TRIP12: variants seen among roughly 807,000 people sequenced by gnomAD.
TRIP12 encodes the protein E3 ubiquitin-protein ligase TRIP12.
In TRIP12, 25 loss-of-function variants were observed where a neutral mutation model predicts 244.2. The observed-to-expected ratio is 0.10, with a 90% CI of 0.07 to 0.14. The LOEUF (loss-of-function observed/expected upper bound fraction) is 0.14, where lower values mean the gene tolerates loss of function less well. Ranked by LOEUF, TRIP12 falls within the 10% of genes least tolerant of loss-of-function variation. The pLI is 1.00. For missense variants in TRIP12, 1,677 were observed against 2,486.4 expected, an observed-to-expected ratio of 0.67 and a Z score of 6.92; for synonymous variants, 905 against 873.1, an observed-to-expected ratio of 1.04 and a Z score of -0.64.
intron 18 of TRIP12, among the ~76,000 whole-genome samples, chr2:229,804,686 G>GT (rs948222576): frequency 3.9e-5 from 6 of 152,148 alleles, no homozygotes; most frequent in Non-Finnish European, 7.3e-5. Context: ...CTGATAAGCA[G>GT]TAAGTTATAT....
At chr2:229,846,349 T>C (rs2154318694) in intron 4 of TRIP12, among the ~76,000 whole-genome samples, 1 of 152,310 alleles carries the variant, frequency 6.6e-6, no homozygotes, top group African/African-American at 2.4e-5. Context: ...AGTCAACATC[T>C]ATCAACACTG....
At chr2:229,817,459 T>C (rs1415779693) in intron 9 of TRIP12, among the ~76,000 whole-genome samples, 3 of 152,214 alleles carry the variant, frequency 2.0e-5, no homozygotes, top group African/African-American at 7.2e-5. Flanking sequence ...ATAATGGCAA[T>C]TTTTCTTCCT....
intron 39 of TRIP12, 110 bp from the exon 40 acceptor site, chr2:229,769,435 CCTT>C (rs2033293150): frequency 7.0e-6 from 5 of 717,468 alleles, no homozygotes; most frequent in Non-Finnish European, 1.0e-5. Flanking sequence ...AGTACTAAAA[CCTT>C]CTGCTTGGGA....
At position 229,903,826 on chromosome 2, in the gene TRIP12, G is replaced by A. The variant is rs1193220317; in HGVS notation, c.-50+18054C>T. ...AGCTCAGGAGTTCAAGACCAGCCTG[G>A]GCAACATGGTGAAACCCCATGTTGT... On this transcript the variant is annotated intron_variant, in intron 1 of 41. Transcript: ENST00000675903. 2.0e-5 allele frequency among the ~76,000 whole-genome samples: 3 copies of A among 150,324 alleles called. No homozygotes were observed. The East Asian group carries it at 5.9e-4, about 30-fold the overall frequency.
intron 3 of TRIP12, 40 bp from the exon 4 acceptor site, chr2:229,859,614 C>T (rs375573130): frequency 6.4e-7 from 1 of 1,567,930 alleles, no homozygotes; most frequent in Non-Finnish European, 8.6e-7. Context: ...ATCAGCCTGT[C>T]ATAATTACAA....
At chr2:229,768,873 T>C (rs982900435) in intron 40 of TRIP12, among the ~76,000 whole-genome samples, 154 bp from the exon 41 acceptor site, 3 of 152,258 alleles carry the variant, frequency 2.0e-5, no homozygotes, top group African/African-American at 4.8e-5. Flanking sequence ...GTTTCTGTTA[T>C]GACTAGACTA....
At chr2:229,804,351 G>T (rs968851629) in intron 18 of TRIP12, 124 bp from the exon 19 acceptor site, 4 of 750,016 alleles carry the variant, frequency 5.3e-6, no homozygotes, top group Middle Eastern at 6.7e-4. Flanking sequence ...TTTCATTATA[G>T]AACACATGAA....
At chr2:229,792,425 A>ACATAATGTACATAATCCC (rs1351044839) in intron 27 of TRIP12, among the ~76,000 whole-genome samples, 199 bp from the exon 28 acceptor site, 1 of 152,182 alleles carries the variant, frequency 6.6e-6, no homozygotes, top group Non-Finnish European at 1.5e-5. Context: ...ATAATGAGAT[A>ACATAATGTACATAATCCC]CCTTGGGGAT....
chr2:229,860,734 C>A (rs2060335818), intron 2 of TRIP12, among the ~76,000 whole-genome samples: 1 of 152,114 alleles, frequency 6.6e-6, no homozygotes, highest in African/African-American at 2.4e-5. Context: ...ACCACCCCCG[C>A]CCCGCAATAC....
chr2:229,862,122 T>C (rs1241732157), intron 2 of TRIP12, among the ~76,000 whole-genome samples: 1 of 152,212 alleles, frequency 6.6e-6, no homozygotes, highest in East Asian at 1.9e-4. Context: ...AGCGACACTA[T>C]CTCGGCTCAC....
chr2:229,773,777 A>T, intron 38 of TRIP12: 1 of 206,642 alleles, frequency 4.8e-6, no homozygotes, highest in Non-Finnish European at 9.8e-6. Context: ...AGCTGCCTTG[A>T]TGGAAATGCA....
At chr2:229,844,902 C>G (rs2057261793) in intron 4 of TRIP12, among the ~76,000 whole-genome samples, 1 of 152,170 alleles carries the variant, frequency 6.6e-6, no homozygotes, top group Non-Finnish European at 1.5e-5. Context: ...CTCTGGAGAG[C>G]TATCTCCTAC....
chr2:229,792,961 T>C lies in TRIP12; in HGVS notation c.4141+12A>G, dbSNP rs762742286. On this transcript the variant is annotated intron_variant, in intron 27 of 41. Transcript: ENST00000675903. ...ACATATATAACACACGAAACAAATA[T>C]ATGGAAAGTACCTCTAACTACAAGG... is the stretch of plus-strand genomic sequence containing the variant. 12 of 1,606,894 alleles carry C rather than the reference T, an allele frequency of 7.5e-6. No individual in the cohort carries two copies. The highest frequency in any genetic ancestry group is 4.2e-6 in the Non-Finnish European group (5 of 1,176,850).
At chr2:229,898,081 G>A (rs982758684) in intron 1 of TRIP12, among the ~76,000 whole-genome samples, 1 of 152,184 alleles carries the variant, frequency 6.6e-6, no homozygotes, top group Admixed American at 6.5e-5. Context: ...AGAGACAGCA[G>A]ACACAAAGAC....
chr2:229,785,033 T>G (rs939404264), intron 34 of TRIP12, among the ~76,000 whole-genome samples: 2 of 152,214 alleles, frequency 1.3e-5, no homozygotes, highest in Admixed American at 1.3e-4. Context: ...CAAATGTGAA[T>G]CAACTGGTGA....
rs115168568 is a variant in TRIP12 at position 229,764,558 on chromosome 2, C to T, written c.*2996G>A. ...TCCACTCTCATTTCCTGAGCTCACG[C>T]TCACAGACAGGAGTCGAGAGTACAG... On this transcript the variant is annotated 3_prime_UTR_variant, in exon 42 of 42. Coordinates refer to ENST00000675903, the MANE Select transcript of TRIP12 (RefSeq NM_001348323.3). The T allele has an allele frequency of 6.6e-6, 1 of 152,364 alleles. No homozygotes were observed. The highest frequency in any genetic ancestry group is 1.5e-5 in the Non-Finnish European group (1 of 68,028). The allele number at this position is 152,364 out of a possible 1,614,324, so 9.4% of individuals were successfully genotyped here. A position where few individuals can be genotyped will look rare whatever the true frequency, so the allele number is the denominator to read the frequency against.
At chr2:229,768,783 G>GCATC in intron 40 of TRIP12, 64 bp from the exon 41 acceptor site, 5 of 1,382,442 alleles carry the variant, frequency 3.6e-6, no homozygotes, top group Non-Finnish European at 4.9e-6. Context: ...TAATCACACT[G>GCATC]CATCGCATCA....
At chr2:229,845,837 G>A (rs2057456273) in intron 4 of TRIP12, among the ~76,000 whole-genome samples, 1 of 149,208 alleles carries the variant, frequency 6.7e-6, no homozygotes, top group Non-Finnish European at 1.5e-5. Context: ...ACCAGCCTGG[G>A]CAACATAGTT....
At chr2:229,792,292 TAC>T in intron 27 of TRIP12, 66 bp from the exon 28 acceptor site, 2 of 1,345,632 alleles carry the variant, frequency 1.5e-6, no homozygotes, top group Non-Finnish European at 2.1e-6. Context: ...AAATCCTGTA[TAC>T]ACACTGGTTA....
Sources: gnomAD v4.1 joint callset for allele counts (sites outside exome capture counted in the v4.1 genomes callset) on GRCh38, gnomAD v4.1.1 for gene constraint, MANE v1.5 for transcripts, NCBI Gene and HGNC (gene_info 2026-07-23, HGNC 2026-07-21) for gene names.